LRBA: variants seen among roughly 807,000 people sequenced by gnomAD.
LRBA encodes lipopolysaccharide-responsive and beige-like anchor protein.
In LRBA, 176 loss-of-function variants were observed where a neutral mutation model predicts 330.0. The observed-to-expected ratio is 0.53, with a 90% CI of 0.47 to 0.60. The LOEUF is 0.60. LRBA is among the 20% of genes least tolerant of loss of function. The pLI, the probability that LRBA is intolerant of heterozygous loss-of-function variation, is 0.00. For synonymous variants in LRBA, 1,230 were observed against 1,193.0 expected, an observed-to-expected ratio of 1.03 and a Z score of -0.64; for missense variants, 3,259 against 3,444.8, an observed-to-expected ratio of 0.95 and a Z score of 1.35.
chr4:150,339,703 T>C (rs901978258), intron 48 of LRBA, among the ~76,000 whole-genome samples: 5 of 152,150 alleles, frequency 3.3e-5, no homozygotes, highest in African/African-American at 1.2e-4. Context: ...TTATTCACTG[T>C]AATATGGCAA....
At chr4:150,872,820 T>G in intron 17 of LRBA, 65 bp from the exon 18 acceptor site, 1 of 718,084 alleles carries the variant, frequency 1.4e-6, no homozygotes, top group Non-Finnish European at 2.3e-6. Flanking sequence ...AGGTTTAAAA[T>G]ATATACTTTT....
rs184437933 is a variant in LRBA at position 150,819,700 on chromosome 4, G to C, written c.5172-2443C>G. 2.6e-5 allele frequency among the ~76,000 whole-genome samples: 4 copies of C among 152,196 alleles called. No homozygotes were observed. The East Asian group carries it at 7.7e-4, about 29-fold the overall frequency. ...TAACAGAACAGAATTTACTACAGCT[G>C]TTCCAAATATGCACAATCCCTATTT... On this transcript the variant is annotated intron_variant, in intron 30 of 56. Coordinates refer to ENST00000651943, the MANE Select transcript of LRBA (RefSeq NM_001364905.1).
At chr4:150,501,614 A>T (rs942313008) in intron 40 of LRBA, among the ~76,000 whole-genome samples, 1 of 152,054 alleles carries the variant, frequency 6.6e-6, no homozygotes, top group Non-Finnish European at 1.5e-5. Flanking sequence ...CAAAAAAAAA[A>T]GGTATCTACA....
intron 2 of LRBA, among the ~76,000 whole-genome samples, chr4:150,988,724 G>A (rs1439845150): frequency 6.6e-6 from 1 of 151,862 alleles, no homozygotes; most frequent in Non-Finnish European, 1.5e-5. Flanking sequence ...AACTACAGCT[G>A]CGTACCACCA....
rs553014695 is a variant in LRBA at position 150,748,496 on chromosome 4, G to A, written c.5646-13130C>T. Among the ~76,000 whole-genome samples the A allele has an allele frequency of 9.2e-5, 14 of 152,022 alleles. No individual in the cohort carries two copies. In the South Asian group the frequency reaches 2.7e-3, roughly 29 times the overall value. On this transcript the variant is annotated intron_variant, in intron 35 of 56. Transcript: ENST00000651943. The stretch of plus-strand genomic sequence containing the variant: ...AGCCTGGCCAACATGGTGAAACCCC[G>A]TCTCTACTAAAACTACAAAAACTAG...
At chr4:150,999,271 C>T (rs553028961) in intron 2 of LRBA, among the ~76,000 whole-genome samples, 45 of 152,078 alleles carry the variant, frequency 3.0e-4, no homozygotes, top group Non-Finnish European at 6.0e-4. Context: ...AAAAAGTATT[C>T]ACTCAAGATG....
chr4:150,553,068 C>CA lies in LRBA; in HGVS notation c.6330+34979dup, dbSNP rs1360646215. On this transcript the variant is annotated intron_variant, in intron 40 of 56. Transcript: ENST00000651943. The stretch of plus-strand genomic sequence containing the variant: ...TGGGCGACAGAGCGAGGCTCTGTCT[C>CA]AAAAAAAAAAAGAAAAAAAGAAAAA... 1.9e-3 allele frequency among the ~76,000 whole-genome samples: 170 copies of CA among 88,324 alleles called. 1 individual carries two copies. Among genetic ancestry groups the CA allele is most frequent in the South Asian group, 4.5e-3 (14 of 3,090 alleles). The allele number at this position is 88,324 out of a possible 152,430, so 57.9% of individuals were successfully genotyped here. A position where few individuals can be genotyped will look rare whatever the true frequency, so the allele number is the denominator to read the frequency against.
intron 34 of LRBA, among the ~76,000 whole-genome samples, chr4:150,775,497 AC>A (rs372316635): frequency 0.099 from 1,490 of 15,122 alleles, 29 homozygotes; most frequent in African/African-American, 0.13. Flanking sequence ...ACACACACAC[AC>A]ACACAGTGAT....
chr4:150,899,396 T>C (rs1372711437), intron 14 of LRBA, among the ~76,000 whole-genome samples: 8 of 152,172 alleles, frequency 5.3e-5, no homozygotes, highest in South Asian at 2.1e-4. Context: ...ATACTCAGAA[T>C]ACCTTTATCA....
intron 2 of LRBA, among the ~76,000 whole-genome samples, chr4:151,007,383 T>C (rs748462662): frequency 3.0e-4 from 45 of 151,844 alleles, no homozygotes; most frequent in Middle Eastern, 3.4e-3. Context: ...CAGGCACCTA[T>C]AGTCCCAGCT....
chr4:150,856,783 A>G (rs892045644), intron 22 of LRBA, among the ~76,000 whole-genome samples: 1 of 152,210 alleles, frequency 6.6e-6, no homozygotes, highest in Non-Finnish European at 1.5e-5. Flanking sequence ...CTAAAAGACT[A>G]GTCATTAATC....
chr4:150,850,124 C>T (rs577997051), intron 24 of LRBA, among the ~76,000 whole-genome samples: 4 of 148,630 alleles, frequency 2.7e-5, no homozygotes, highest in Admixed American at 6.7e-5. Flanking sequence ...GACAGAGTCT[C>T]GCTCTGTCGC....
intron 22 of LRBA, among the ~76,000 whole-genome samples, chr4:150,866,341 G>A (rs1354225541): frequency 3.9e-5 from 6 of 152,166 alleles, no homozygotes; most frequent in African/African-American, 1.4e-4. Context: ...GGCAGAAGAT[G>A]TTCATAAACA....
At chr4:150,705,948 G>A (rs562635598) in intron 36 of LRBA, among the ~76,000 whole-genome samples, 34 of 151,978 alleles carry the variant, frequency 2.2e-4, no homozygotes, top group African/African-American at 7.2e-4. Flanking sequence ...ATTAGACAAG[G>A]AAACGTAATT....
intron 55 of LRBA, among the ~76,000 whole-genome samples, chr4:150,278,558 T>C (rs1340920777): frequency 1.3e-5 from 2 of 152,304 alleles, no homozygotes; most frequent in South Asian, 2.1e-4. Context: ...AGCATTTTCT[T>C]GCTCCAGGGC....
intron 52 of LRBA, among the ~76,000 whole-genome samples, chr4:150,306,507 C>T (rs1730375278): frequency 6.6e-6 from 1 of 152,060 alleles, no homozygotes; most frequent in Non-Finnish European, 1.5e-5. Context: ...AAGAAAGACA[C>T]CAGGACTATC....
chr4:150,347,496 A>G (rs1736536491), intron 48 of LRBA, among the ~76,000 whole-genome samples: 1 of 152,108 alleles, frequency 6.6e-6, no homozygotes, highest in Non-Finnish European at 1.5e-5. Flanking sequence ...AAATACAAAA[A>G]TTAGCCAGGC....
At chr4:150,717,999 C>A (rs1160966771) in intron 36 of LRBA, among the ~76,000 whole-genome samples, 3 of 152,064 alleles carry the variant, frequency 2.0e-5, no homozygotes, top group South Asian at 2.1e-4. Flanking sequence ...TAAAAGACAA[C>A]CTTCTTTACA....
intron 34 of LRBA, among the ~76,000 whole-genome samples, chr4:150,792,028 C>CAAAA (rs11389573): frequency 0.017 from 719 of 42,868 alleles, 7 homozygotes; most frequent in Middle Eastern, 0.026. Flanking sequence ...GGCTCCATCT[C>CAAAA]AAAAAAAAAA....
Sources: allele counts gnomAD v4.1 joint callset (sites outside exome capture counted in the v4.1 genomes callset), GRCh38; gene constraint gnomAD v4.1.1; transcripts MANE v1.5; gene names NCBI Gene and HGNC (gene_info 2026-07-23, HGNC 2026-07-21).